SH3BGRL2: variants seen among roughly 807,000 people sequenced by gnomAD.
SH3BGRL2 encodes the protein SH3 domain binding glutamate rich protein like 2.
SH3BGRL2 carries 21 observed loss-of-function variants against 14.8 expected under a neutral mutation model. The observed-to-expected ratio is 1.42, with a 90% CI of 1.01 to 2.05. The LOEUF (loss-of-function observed/expected upper bound fraction) is 2.05, where lower values mean the gene tolerates loss of function less well. Among genes scored for constraint, SH3BGRL2 ranks in the 30% most tolerant of loss-of-function variants. The pLI is 0.00. For synonymous variants in SH3BGRL2, 50 were observed against 47.8 expected (o/e 1.05, Z -0.19); for missense variants, 147 against 130.8 (o/e 1.12, Z -0.61).
chr6:79,577,716 C>G, the SH3BGRL2 span, among the ~76,000 whole-genome samples: 996 of 152,286 alleles, frequency 6.5e-3, 12 homozygotes, highest in African/African-American at 0.023. Flanking sequence ...ATGCAGAAGA[C>G]AGGTGATTTC....
the SH3BGRL2 span, among the ~76,000 whole-genome samples, chr6:79,591,288 T>C: frequency 6.6e-6 from 1 of 152,224 alleles, no homozygotes; most frequent in African/African-American, 2.4e-5. Flanking sequence ...ATCAACAATC[T>C]TTTTGTTTTT....
intron 2 of SH3BGRL2, among the ~76,000 whole-genome samples, chr6:79,678,278 C>A (rs1314747725): frequency 6.7e-6 from 1 of 149,520 alleles, no homozygotes; most frequent in African/African-American, 2.4e-5. Flanking sequence ...AAACTATATC[C>A]CTTAAACAAC....
chr6:79,546,627 T>C, the SH3BGRL2 span, among the ~76,000 whole-genome samples: 1 of 151,864 alleles, frequency 6.6e-6, no homozygotes, highest in Non-Finnish European at 1.5e-5. Context: ...AAATAATTCA[T>C]AGAAATTCAT....
At chr6:79,542,321 G>A in the SH3BGRL2 span, among the ~76,000 whole-genome samples, 2 of 150,808 alleles carry the variant, frequency 1.3e-5, no homozygotes, top group African/African-American at 2.4e-5. Flanking sequence ...AGGCTGGAGT[G>A]CAATGGTGCG....
At chr6:79,635,122 A>T (rs542015676) in intron 1 of SH3BGRL2, among the ~76,000 whole-genome samples, 1 of 152,316 alleles carries the variant, frequency 6.6e-6, no homozygotes, top group South Asian at 2.1e-4. Flanking sequence ...GCTGCCTGGC[A>T]GTGGGGGAGC....
chr6:79,550,923 A>G, the SH3BGRL2 span, among the ~76,000 whole-genome samples: 1 of 152,120 alleles, frequency 6.6e-6, no homozygotes, highest in Non-Finnish European at 1.5e-5. Flanking sequence ...TTTTCTACCA[A>G]TGCCCCAGGA....
intron 2 of SH3BGRL2, among the ~76,000 whole-genome samples, chr6:79,678,203 T>A (rs772682338): frequency 2.6e-5 from 4 of 152,186 alleles, no homozygotes; most frequent in African/African-American, 4.8e-5. Context: ...TACAGTTCAG[T>A]AGTATTAAAT....
At chr6:79,544,833 C>G in the SH3BGRL2 span, among the ~76,000 whole-genome samples, 5 of 152,106 alleles carry the variant, frequency 3.3e-5, no homozygotes, top group Non-Finnish European at 7.3e-5. Context: ...TATTCAGCTA[C>G]TTTAGGGATG....
the SH3BGRL2 span, among the ~76,000 whole-genome samples, chr6:79,553,981 GAAAA>G: frequency 5.8e-4 from 76 of 131,514 alleles, 1 homozygote; most frequent in African/African-American, 2.1e-3. Context: ...AAAAAAAAAA[GAAAA>G]GAAAAGAGAA....
At chr6:79,551,051 T>TAAAAG in the SH3BGRL2 span, among the ~76,000 whole-genome samples, 3 of 152,048 alleles carry the variant, frequency 2.0e-5, no homozygotes, top group South Asian at 2.1e-4. Flanking sequence ...GAAAGCTAAA[T>TAAAAG]AAAAGAAAAG....
At position 79,631,438 on chromosome 6, in the gene SH3BGRL2, G is replaced by T. The variant is rs756436539; in HGVS notation, c.-24G>T. 2 of 1,519,148 alleles carry T rather than the reference G, an allele frequency of 1.3e-6. No homozygotes were observed. The highest frequency in any genetic ancestry group is 1.8e-6 in the Non-Finnish European group (2 of 1,133,908). 94.1% of individuals were successfully genotyped at this position (1,519,148 alleles called of 1,614,324 possible). A position where few individuals can be genotyped will look rare whatever the true frequency, so the allele number is the denominator to read the frequency against. On this transcript the variant is annotated 5_prime_UTR_variant, in exon 1 of 4. Coordinates refer to ENST00000369838, the MANE Select transcript of SH3BGRL2 (RefSeq NM_031469.4). ...CAGCCCGGAGCCCGGGGGGCAAGGG[G>T]TCTGTCCCGGGCGCAGCGAGAGGAT...
chr6:79,642,745 T>C (rs1048345294), intron 1 of SH3BGRL2, among the ~76,000 whole-genome samples: 1 of 152,240 alleles, frequency 6.6e-6, no homozygotes, highest in African/African-American at 2.4e-5. Context: ...CCAAGTTGAA[T>C]TGATGGATAT....
chr6:79,595,919 A>T, the SH3BGRL2 span, among the ~76,000 whole-genome samples: 1 of 152,208 alleles, frequency 6.6e-6, no homozygotes, highest in African/African-American at 2.4e-5. Flanking sequence ...GTATTTAGAA[A>T]ATCCTACGGA....
chr6:79,604,566 G>C, the SH3BGRL2 span, among the ~76,000 whole-genome samples: 6 of 152,244 alleles, frequency 3.9e-5, no homozygotes, highest in Admixed American at 2.6e-4. Flanking sequence ...CCATCTTCCT[G>C]GGGGCAGTAC....
At position 79,699,526 on chromosome 6, in the gene SH3BGRL2, A is replaced by G. The variant is rs1037297177; in HGVS notation, c.*17A>G. ...GAACCTTAGAGAAGAAGAGTGGAAGATGACGGAGATGCATTTTGAAGCACC... is the reference window on the plus strand; with the variant it reads ...GAACCTTAGAGAAGAAGAGTGGAAGGTGACGGAGATGCATTTTGAAGCACC... On this transcript the variant is annotated 3_prime_UTR_variant, in exon 4 of 4. Transcript: ENST00000369838. 4 of 1,371,428 alleles carry G rather than the reference A, an allele frequency of 2.9e-6. No homozygotes were observed. The highest frequency in any genetic ancestry group is 3.9e-6 in the Non-Finnish European group (4 of 1,037,550). The allele number at this position is 1,371,428 out of a possible 1,614,324, so 85.0% of individuals were successfully genotyped here.
chr6:79,667,590 G>A (rs951616620), intron 1 of SH3BGRL2, among the ~76,000 whole-genome samples: 1 of 152,022 alleles, frequency 6.6e-6, no homozygotes, highest in Non-Finnish European at 1.5e-5. Flanking sequence ...GGGATTACAG[G>A]TACATGCCAT....
chr6:79,612,300 C>G, the SH3BGRL2 span, among the ~76,000 whole-genome samples: 1 of 151,978 alleles, frequency 6.6e-6, no homozygotes, highest in African/African-American at 2.4e-5. Flanking sequence ...GACTCTGTCT[C>G]AAAACAAAAA....
At chr6:79,547,413 A>G in the SH3BGRL2 span, among the ~76,000 whole-genome samples, 13,614 of 152,082 alleles carry the variant, frequency 0.09, 1,419 homozygotes, top group East Asian at 0.55. Flanking sequence ...AAAGCTGAGC[A>G]TTGCCCAAGG....
intron 2 of SH3BGRL2, among the ~76,000 whole-genome samples, chr6:79,680,894 AT>A (rs1480434965): frequency 6.6e-6 from 1 of 152,152 alleles, no homozygotes; most frequent in East Asian, 1.9e-4. Flanking sequence ...AACACAACTG[AT>A]TTTTTTGTGT....
Sources: allele counts gnomAD v4.1 joint callset (sites outside exome capture counted in the v4.1 genomes callset), GRCh38; gene constraint gnomAD v4.1.1; transcripts MANE v1.5; gene names NCBI Gene and HGNC (gene_info 2026-07-23, HGNC 2026-07-21).